Variants in B3GALT1 observed in about 807,000 individuals in gnomAD.
B3GALT1 encodes UDP-Gal:betaGlcNAc beta 1,3-galactosyltransferase, polypeptide 1.
Under a neutral mutation model 23.2 loss-of-function variants are expected in B3GALT1, and 10 were observed. That is an observed-to-expected ratio of 0.43 (90% confidence interval 0.27 to 0.73). The LOEUF (loss-of-function observed/expected upper bound fraction) is 0.73. Ranked by LOEUF, B3GALT1 falls within the 30% of genes least tolerant of loss-of-function variation. B3GALT1 has a pLI of 0.21. For synonymous variants in B3GALT1, 156 were observed against 141.5 expected, an observed-to-expected ratio of 1.10 and a Z score of -0.73; for missense variants, 299 against 405.4, an observed-to-expected ratio of 0.74 and a Z score of 2.25.
intron 1 of B3GALT1, among the ~76,000 whole-genome samples, chr2:167,487,896 T>C (rs947455445): frequency 2.0e-5 from 3 of 152,126 alleles, no homozygotes; most frequent in Non-Finnish European, 2.9e-5. Context: ...AAATCCCCCA[T>C]TGGCAGCAGA....
intron 1 of B3GALT1, among the ~76,000 whole-genome samples, chr2:167,371,929 T>G (rs2105270188): frequency 6.6e-6 from 1 of 151,908 alleles, no homozygotes; most frequent in South Asian, 2.1e-4. Context: ...CTTTAAAATA[T>G]ATTTATAATA....
chr2:167,696,867 T>C (rs1404650634), intron 3 of B3GALT1, among the ~76,000 whole-genome samples: 1 of 152,184 alleles, frequency 6.6e-6, no homozygotes, highest in Non-Finnish European at 1.5e-5. Context: ...TTAATCTGAG[T>C]TTGGGGACTT....
At chr2:167,314,923 CATTTCTA>C (rs982855293) in intron 1 of B3GALT1, among the ~76,000 whole-genome samples, 3 of 152,102 alleles carry the variant, frequency 2.0e-5, no homozygotes, top group African/African-American at 4.8e-5. Context: ...ATTGACTATC[CATTTCTA>C]ATTAGAGAGC....
At chr2:167,389,820 GGGGATT>G (rs1697988380) in intron 1 of B3GALT1, among the ~76,000 whole-genome samples, 2 of 151,504 alleles carry the variant, frequency 1.3e-5, no homozygotes, top group Non-Finnish European at 2.9e-5. Flanking sequence ...GCCAAGGCTG[GGGGATT>G]GCTTGAGCCA....
chr2:167,369,631 C>G (rs1273036246), intron 1 of B3GALT1, among the ~76,000 whole-genome samples: 1 of 151,980 alleles, frequency 6.6e-6, no homozygotes, highest in Non-Finnish European at 1.5e-5. Context: ...TTTGTTTTAA[C>G]CATCCAGGCG....
chr2:167,697,059 C>T (rs904199371), intron 3 of B3GALT1, among the ~76,000 whole-genome samples: 1 of 152,142 alleles, frequency 6.6e-6, no homozygotes, highest in Non-Finnish European at 1.5e-5. Context: ...ATGCATTGCT[C>T]TCAAGGCAGA....
At chr2:167,639,235 G>T (rs1685611749) in intron 2 of B3GALT1, among the ~76,000 whole-genome samples, 2 of 151,950 alleles carry the variant, frequency 1.3e-5, no homozygotes, top group Non-Finnish European at 2.9e-5. Flanking sequence ...GTTACATAGT[G>T]TAAGCTATGA....
At chr2:167,515,074 A>G (rs1348566412) in intron 2 of B3GALT1, among the ~76,000 whole-genome samples, 2 of 152,156 alleles carry the variant, frequency 1.3e-5, no homozygotes, top group South Asian at 2.1e-4. Context: ...TAATTTGTCT[A>G]TTTTTAATTA....
chr2:167,844,702 C>G (rs999732037), intron 4 of B3GALT1, among the ~76,000 whole-genome samples: 1 of 152,196 alleles, frequency 6.6e-6, no homozygotes, highest in Non-Finnish European at 1.5e-5. Flanking sequence ...AAAGAAATCT[C>G]TAGCTGAACT....
At chr2:167,790,500 C>T (rs1057310222) in intron 3 of B3GALT1, among the ~76,000 whole-genome samples, 1 of 152,214 alleles carries the variant, frequency 6.6e-6, no homozygotes, top group Non-Finnish European at 1.5e-5. Context: ...CCATCATCCC[C>T]ATCCTACTCT....
At chr2:167,319,670 CATTTT>C (rs985874943) in intron 1 of B3GALT1, among the ~76,000 whole-genome samples, 2 of 151,962 alleles carry the variant, frequency 1.3e-5, no homozygotes, top group East Asian at 1.9e-4. Context: ...AAAGAAGAAA[CATTTT>C]ATTATTTAAA....
At chr2:167,612,339 A>G (rs925822345) in intron 2 of B3GALT1, among the ~76,000 whole-genome samples, 1 of 150,248 alleles carries the variant, frequency 6.7e-6, no homozygotes, top group African/African-American at 2.5e-5. Context: ...ACCAGGAGTC[A>G]AATGGTTTTA....
intron 3 of B3GALT1, among the ~76,000 whole-genome samples, chr2:167,672,724 G>A (rs546067271): frequency 4.8e-4 from 73 of 152,214 alleles, no homozygotes; most frequent in African/African-American, 1.7e-3. Flanking sequence ...ACTCAGAAGA[G>A]TGCCTGGTAC....
intron 3 of B3GALT1, among the ~76,000 whole-genome samples, chr2:167,680,079 G>C (rs904865863): frequency 1.4e-4 from 21 of 152,148 alleles, no homozygotes; most frequent in African/African-American, 4.1e-4. Context: ...TTACAGCCTG[G>C]CATTTTCTAA....
chr2:167,353,356 A>C (rs1011896046), intron 1 of B3GALT1, among the ~76,000 whole-genome samples: 1 of 152,180 alleles, frequency 6.6e-6, no homozygotes, highest in Non-Finnish European at 1.5e-5. Context: ...AAGAGTGTCC[A>C]CTAAGATTCA....
chr2:167,731,490 G>C (rs576177752), intron 3 of B3GALT1, among the ~76,000 whole-genome samples: 1 of 152,324 alleles, frequency 6.6e-6, no homozygotes, highest in South Asian at 2.1e-4. Flanking sequence ...ATGGAATCAG[G>C]ATTAGTCACT....
intron 3 of B3GALT1, among the ~76,000 whole-genome samples, chr2:167,661,110 A>G (rs1180352143): frequency 6.6e-6 from 1 of 152,114 alleles, no homozygotes; most frequent in Non-Finnish European, 1.5e-5. Flanking sequence ...TACAGGATGG[A>G]CATTCACCAC....
In B3GALT1 at chr2:167,608,023, C is replaced by G. The variant is rs77860511; in HGVS notation, c.-409-38886C>G. On this transcript the variant is annotated intron_variant, in intron 2 of 4. Coordinates refer to ENST00000392690, the MANE Select transcript of B3GALT1 (RefSeq NM_020981.4). ...AAGGCCATTTCACCCATGGCTACCTCTAGTGCAGACGATTTATGCAACAGT... is the reference window on the plus strand; with the variant it reads ...AAGGCCATTTCACCCATGGCTACCTGTAGTGCAGACGATTTATGCAACAGT... 2.1e-3 allele frequency among the ~76,000 whole-genome samples: 327 copies of G among 152,278 alleles called. 4 individuals carry two copies. The East Asian group carries it at 0.043, about 20-fold the overall frequency.
At position 167,716,134 on chromosome 2, in the gene B3GALT1, C is replaced by T. The variant is rs1687142425; in HGVS notation, c.-352+69168C>T. On this transcript the variant is annotated intron_variant, in intron 3 of 4. Coordinates refer to ENST00000392690, the MANE Select transcript of B3GALT1 (RefSeq NM_020981.4). ...CAACAAGCGGTGGAGAACACGCAGC[C>T]TTGGGTCTGGAACCCGAATCCGCAC... 8 of 1,429,738 alleles carry T rather than the reference C, an allele frequency of 5.6e-6. No individual in the cohort carries two copies. The East Asian group carries it at 1.7e-4, about 30-fold the overall frequency. 88.6% of individuals were successfully genotyped at this position (1,429,738 alleles called of 1,614,324 possible). A position where few individuals can be genotyped will look rare whatever the true frequency, so the allele number is the denominator to read the frequency against.
Sources: gnomAD v4.1 joint callset for allele counts (sites outside exome capture counted in the v4.1 genomes callset) on GRCh38, gnomAD v4.1.1 for gene constraint, MANE v1.5 for transcripts, NCBI Gene and HGNC (gene_info 2026-07-23, HGNC 2026-07-21) for gene names.